Variants in AKAP13 observed in about 807,000 individuals in gnomAD.
AKAP13 encodes A-kinase anchor protein 13.
AKAP13 carries 80 observed loss-of-function variants against 264.5 expected under a neutral mutation model. The ratio of observed to expected loss-of-function variants is 0.30; its 90% confidence interval spans 0.25 to 0.36. The LOEUF is 0.36. AKAP13 is among the 10% of genes least tolerant of loss of function. The pLI is 1.00. For synonymous variants in AKAP13, 1,380 were observed against 1,250.2 expected, an observed-to-expected ratio of 1.10 and a Z score of -2.19; for missense variants, 3,712 against 3,435.2, an observed-to-expected ratio of 1.08 and a Z score of -2.01.
chr15:85,420,977 T>C (rs2072494721), intron 1 of AKAP13, among the ~76,000 whole-genome samples: 2 of 152,234 alleles, frequency 1.3e-5, no homozygotes, highest in Middle Eastern at 6.8e-3. Context: ...TAGTTATAGA[T>C]TAGGACAGTT....
chr15:85,683,139 C>T (rs893185767), intron 15 of AKAP13, among the ~76,000 whole-genome samples: 1 of 152,182 alleles, frequency 6.6e-6, no homozygotes, highest in African/African-American at 2.4e-5. Context: ...GATTTAGAAC[C>T]CTTGCAATGA....
chr15:85,439,138 C>G (rs1335327768), intron 1 of AKAP13, among the ~76,000 whole-genome samples: 1 of 152,146 alleles, frequency 6.6e-6, no homozygotes, highest in Non-Finnish European at 1.5e-5. Flanking sequence ...AAATAAACAG[C>G]TCCATCAAAA....
intron 20 of AKAP13, 136 bp from the exon 21 acceptor site, chr15:85,717,154 C>T (rs2086998290): frequency 5.3e-6 from 3 of 565,356 alleles, no homozygotes; most frequent in Non-Finnish European, 9.1e-6. Flanking sequence ...GTGGCCCCGA[C>T]ATAAGCAATT....
intron 20 of AKAP13, chr15:85,717,067 CA>C (rs35580426): frequency 2.2e-6 from 1 of 460,752 alleles, no homozygotes; most frequent in Non-Finnish European, 3.8e-6. Flanking sequence ...TAAAAAGGCT[CA>C]AAAAGTCCTC....
At chr15:85,632,192 T>C (rs1596807342) in intron 8 of AKAP13, among the ~76,000 whole-genome samples, 1 of 152,092 alleles carries the variant, frequency 6.6e-6, no homozygotes, top group Admixed American at 6.6e-5. Flanking sequence ...CAGAGACAGG[T>C]AAATGTATTA....
intron 1 of AKAP13, among the ~76,000 whole-genome samples, chr15:85,455,117 C>T (rs766347652): frequency 6.6e-6 from 1 of 152,182 alleles, no homozygotes; most frequent in Non-Finnish European, 1.5e-5. Flanking sequence ...GTCCTTGGTA[C>T]ATCCTTTTAG....
intron 5 of AKAP13, among the ~76,000 whole-genome samples, chr15:85,551,470 A>G (rs1023033850): frequency 6.6e-6 from 1 of 152,242 alleles, no homozygotes; most frequent in Non-Finnish European, 1.5e-5. Context: ...AATTTGAACC[A>G]GGTTGTAACT....
intron 2 of AKAP13, among the ~76,000 whole-genome samples, chr15:85,486,545 TGAAA>T (rs1413405700): frequency 6.6e-6 from 1 of 152,130 alleles, no homozygotes; most frequent in East Asian, 1.9e-4. Flanking sequence ...GCATCCTTGT[TGAAA>T]TTGATCAGAA....
chr15:85,730,344 A>G (rs1441962402), intron 29 of AKAP13, 169 bp from the exon 30 acceptor site: 1 of 203,018 alleles, frequency 4.9e-6, no homozygotes, highest in Non-Finnish European at 8.7e-6. Flanking sequence ...GAAATCACAG[A>G]ACAGAAACAA....
rs532820200 is a variant in AKAP13, at chr15:85,638,292, T to G, written c.4162-1082T>G. On this transcript the variant is annotated intron_variant, in intron 8 of 36. Coordinates refer to ENST00000394518, the MANE Select transcript of AKAP13 (RefSeq NM_007200.5). ...TCACAGAGCATACTTTTTATTATTTTAATTCTCTTATATTTAAGACTTGTT... is the reference window on the plus strand; with the variant it reads ...TCACAGAGCATACTTTTTATTATTTGAATTCTCTTATATTTAAGACTTGTT... 3.9e-5 allele frequency among the ~76,000 whole-genome samples: 6 copies of G among 152,356 alleles called. No individual in the cohort carries two copies. In the South Asian group the frequency reaches 1.2e-3, roughly 32 times the overall value.
At position 85,650,106 on chromosome 15, in the gene AKAP13, T is replaced by TA. The variant is rs541534662; in HGVS notation, c.4374+4161dup. 3.2e-3 allele frequency among the ~76,000 whole-genome samples: 480 copies of TA among 151,380 alleles called. 3 individuals carry two copies. Among genetic ancestry groups the TA allele is most frequent in the African/African-American group, 0.01 (431 of 41,274 alleles). ...TTGATCCCCAAGCCAAAAAATTACT[T>TA]AAAAAAAAACAATAAACCTTTTTGA... On this transcript the variant is annotated intron_variant, in intron 10 of 36. Coordinates refer to ENST00000394518, the MANE Select transcript of AKAP13 (RefSeq NM_007200.5).
chr15:85,577,540 C>T (rs955265048), intron 6 of AKAP13, among the ~76,000 whole-genome samples: 4 of 151,990 alleles, frequency 2.6e-5, no homozygotes, highest in Non-Finnish European at 4.4e-5. Flanking sequence ...CAATATGGTC[C>T]TCATAGTTAA....
chr15:85,582,652 T>G (rs80196368), intron 7 of AKAP13, among the ~76,000 whole-genome samples: 85 of 109,166 alleles, frequency 7.8e-4, no homozygotes, highest in African/African-American at 2.2e-3. Context: ...TCATTGGTGG[T>G]TTTTTGTTTG....
chr15:85,580,468 C>T lies in AKAP13; in HGVS notation c.2400C>T (p.Asp800=), dbSNP rs763828697. 22 of 1,614,114 alleles carry T rather than the reference C, an allele frequency of 1.4e-5. No homozygotes were observed. The highest frequency in any genetic ancestry group is 2.7e-5 in the African/African-American group (2 of 74,940). ...SPGSESVTKD[D]ALSFVPSQKE... ...GCAGTGAATCAGTAACCAAGGATGACGCACTTTCTTTTGTCCCCTCCCAGA... is the reference window on the plus strand; with the variant it reads ...GCAGTGAATCAGTAACCAAGGATGATGCACTTTCTTTTGTCCCCTCCCAGA... Residue 800 remains aspartate, a synonymous_variant, in exon 7 of 37, where the codon GAC becomes GAT. Transcript: ENST00000394518.
intron 14 of AKAP13, 82 bp downstream of exon 14, chr15:85,669,912 A>G (rs571249901): frequency 4.7e-6 from 5 of 1,068,564 alleles, no homozygotes; most frequent in East Asian, 5.6e-5. Context: ...TTAAGGCCCC[A>G]TAACATTACC....
intron 20 of AKAP13, 128 bp downstream of exon 20, chr15:85,716,051 G>C (rs2086916810): frequency 8.3e-7 from 1 of 1,206,106 alleles, no homozygotes; most frequent in Non-Finnish European, 1.1e-6. Flanking sequence ...GGTTGGTGCA[G>C]ACAAGGACGA....
At chr15:85,561,260 A>ATG in intron 5 of AKAP13, among the ~76,000 whole-genome samples, 1 of 151,962 alleles carries the variant, frequency 6.6e-6, no homozygotes, top group East Asian at 1.9e-4. Context: ...GTTTCACCGC[A>ATG]TTGGCCAGGC....
intron 1 of AKAP13, among the ~76,000 whole-genome samples, chr15:85,421,301 A>G (rs1286311120): frequency 1.3e-5 from 2 of 152,238 alleles, no homozygotes; most frequent in Non-Finnish European, 2.9e-5. Context: ...TTATCTGCAC[A>G]TTTGAACTTG....
intron 33 of AKAP13, among the ~76,000 whole-genome samples, chr15:85,739,633 C>T (rs2088809466): frequency 1.3e-5 from 2 of 152,018 alleles, no homozygotes; most frequent in African/African-American, 4.8e-5. Flanking sequence ...CAAAGCCTTC[C>T]CTGTTTCAAG....
Sources: allele counts gnomAD v4.1 joint callset (sites outside exome capture counted in the v4.1 genomes callset), GRCh38; gene constraint gnomAD v4.1.1; transcripts MANE v1.5; gene names NCBI Gene and HGNC (gene_info 2026-07-23, HGNC 2026-07-21).